Variants in LRRC36 observed in about 807,000 individuals in gnomAD.
LRRC36 encodes leucine-rich repeat-containing protein 36.
Under a neutral mutation model 81.1 loss-of-function variants are expected in LRRC36, and 62 were observed. That is an observed-to-expected ratio of 0.76 (90% CI 0.62 to 0.94). LRRC36 has a LOEUF of 0.94. Ranked by LOEUF, LRRC36 falls within the 40% of genes least tolerant of loss-of-function variation. The probability of loss-of-function intolerance (pLI) is 0.00; values close to 1 mark genes in which losing one functional copy is unlikely to be tolerated. For synonymous variants in LRRC36, 334 were observed against 348.6 expected (o/e 0.96, Z 0.47); for missense variants, 761 against 881.7 (o/e 0.86, Z 1.73).
chr16:67,378,118 G>A (rs914808923), intron 11 of LRRC36, among the ~76,000 whole-genome samples: 6 of 151,666 alleles, frequency 4.0e-5, no homozygotes, highest in Admixed American at 1.3e-4. Flanking sequence ...CTTTTGAGCT[G>A]TATTTACCAA....
At chr16:67,358,453 C>A (rs966517547) in intron 5 of LRRC36, among the ~76,000 whole-genome samples, 3 of 151,888 alleles carry the variant, frequency 2.0e-5, no homozygotes, top group African/African-American at 7.3e-5. Flanking sequence ...AGTGATATTC[C>A]TGCCTCCTGA....
At chr16:67,335,818 C>T (rs564584883) in intron 1 of LRRC36, among the ~76,000 whole-genome samples, 28 of 152,060 alleles carry the variant, frequency 1.8e-4, no homozygotes, top group Admixed American at 3.9e-4. Flanking sequence ...CGGCAGCCTC[C>T]ACCTCCCGGG....
chr16:67,382,300 A>G (rs2040142154), intron 13 of LRRC36, 53 bp downstream of exon 13: 1 of 1,286,308 alleles, frequency 7.8e-7, no homozygotes. Context: ...TACTCCTTTT[A>G]TCTCCTTTGT....
At chr16:67,352,827 G>A (rs1361641926) in intron 5 of LRRC36, among the ~76,000 whole-genome samples, 1 of 151,690 alleles carries the variant, frequency 6.6e-6, no homozygotes, top group Non-Finnish European at 1.5e-5. Flanking sequence ...ACAGGTGTGT[G>A]CTACCATGCA....
chr16:67,367,400 T>C lies in LRRC36; in HGVS notation c.1138T>C (p.Leu380=), dbSNP rs1393168651. Residue 380 remains leucine, a synonymous_variant, in exon 8 of 14, where the codon TTA becomes CTA. Coordinates refer to ENST00000329956, the MANE Select transcript of LRRC36 (RefSeq NM_018296.6). ...CGCTTCACATTCCTGTGGAGACTTA[T>C]TAACTTCTCTGTCAAACCCTGACTC... The part of the protein sequence containing the change: ...TTASHSCGDL[L]TSLSNPDSST... The C allele has an allele frequency of 1.2e-6, 2 of 1,613,974 alleles. No individual in the cohort carries two copies. The highest frequency in any genetic ancestry group is 1.7e-5 in the Admixed American group (1 of 59,996).
intron 11 of LRRC36, 29 bp from the exon 12 acceptor site, chr16:67,378,560 G>A: frequency 1.9e-6 from 3 of 1,609,774 alleles, no homozygotes; most frequent in Non-Finnish European, 2.5e-6. Context: ...GATTCTTAAT[G>A]TATTTGTATT....
At chr16:67,334,057 G>A (rs144126058) in intron 1 of LRRC36, among the ~76,000 whole-genome samples, 6,510 of 151,982 alleles carry the variant, frequency 0.043, 198 homozygotes, top group Non-Finnish European at 0.062. Flanking sequence ...TTGAGATGGA[G>A]TCTCACTCTG....
intron 7 of LRRC36, among the ~76,000 whole-genome samples, chr16:67,366,381 G>A (rs1484006591): frequency 1.3e-5 from 2 of 152,150 alleles, no homozygotes; most frequent in Non-Finnish European, 2.9e-5. Context: ...TTGGGAGTCC[G>A]AGGCAGGTGG....
At chr16:67,356,991 G>A (rs1192454504) in intron 5 of LRRC36, among the ~76,000 whole-genome samples, 1 of 152,188 alleles carries the variant, frequency 6.6e-6, no homozygotes, top group Non-Finnish European at 1.5e-5. Flanking sequence ...TCTCTTAGAG[G>A]TGAGGCATGC....
chr16:67,363,174 G>C (rs1259904844), intron 5 of LRRC36, among the ~76,000 whole-genome samples: 8 of 152,190 alleles, frequency 5.3e-5, no homozygotes, highest in African/African-American at 1.7e-4. Context: ...TAGTACCCTG[G>C]AGATGTATAA....
At chr16:67,342,828 TC>T (rs1279194323) in intron 2 of LRRC36, among the ~76,000 whole-genome samples, 1 of 152,206 alleles carries the variant, frequency 6.6e-6, no homozygotes, top group Non-Finnish European at 1.5e-5. Context: ...ACAGATGCTA[TC>T]CAGGATTAGT....
chr16:67,376,884 T>A lies in LRRC36; in HGVS notation c.1806+12T>A, dbSNP rs1239462127. On this transcript the variant is annotated intron_variant, in intron 11 of 13. Transcript: ENST00000329956. ...TCCCTAATGACATGGTATGCCCCTC[T>A]CATCTCCCTTTAGAAAAGGACAGAG... 3 of 1,599,778 alleles carry A rather than the reference T, an allele frequency of 1.9e-6. No individual in the cohort carries two copies. Among genetic ancestry groups the A allele is most frequent in the Non-Finnish European group, 2.6e-6 (3 of 1,169,180 alleles).
chr16:67,360,513 A>T, intron 5 of LRRC36, among the ~76,000 whole-genome samples: 1 of 152,200 alleles, frequency 6.6e-6, no homozygotes, highest in East Asian at 1.9e-4. Flanking sequence ...TCATTTGCAC[A>T]AAAGCTGTGT....
intron 5 of LRRC36, among the ~76,000 whole-genome samples, chr16:67,360,073 C>T (rs1176778268): frequency 3.3e-5 from 5 of 150,626 alleles, no homozygotes; most frequent in Admixed American, 6.6e-5. Flanking sequence ...TGCAGTGAGC[C>T]GAGATTGCGC....
chr16:67,378,502 A>G, intron 11 of LRRC36, 87 bp from the exon 12 acceptor site: 1 of 1,295,976 alleles, frequency 7.7e-7, no homozygotes, highest in African/African-American at 1.5e-5. Context: ...AGCCTCCCAA[A>G]GTGCTAGGAT....
At chr16:67,364,747 A>T (rs925704283) in intron 6 of LRRC36, among the ~76,000 whole-genome samples, 1 of 152,208 alleles carries the variant, frequency 6.6e-6, no homozygotes, top group Non-Finnish European at 1.5e-5. Flanking sequence ...GAAAAAAGGA[A>T]ATTGAATAGT....
chr16:67,337,256 C>T (rs2037805395), intron 1 of LRRC36, among the ~76,000 whole-genome samples: 1 of 152,148 alleles, frequency 6.6e-6, no homozygotes, highest in South Asian at 2.1e-4. Context: ...GATATATACC[C>T]AGAAGTGGAG....
At chr16:67,363,835 C>T in intron 6 of LRRC36, 121 bp downstream of exon 6, 1 of 1,061,710 alleles carries the variant, frequency 9.4e-7, no homozygotes, top group Non-Finnish European at 1.4e-6. Flanking sequence ...CATTTTAGAC[C>T]CTTTTAAAGG....
rs1015577646 is a variant in LRRC36, at chr16:67,346,527, C to T, written c.391+79C>T. The stretch of plus-strand genomic sequence containing the variant: ...CCCCTTAACCTTTTGGATGTTGGCC[C>T]ACAGTGTGCACTGGCAGGATATATT... On this transcript the variant is annotated intron_variant, in intron 3 of 13. Coordinates refer to ENST00000329956, the MANE Select transcript of LRRC36 (RefSeq NM_018296.6). The T allele has an allele frequency of 7.8e-5, 63 of 802,720 alleles. No individual in the cohort carries two copies. In the African/African-American group the frequency reaches 1.1e-3, roughly 14 times the overall value. 49.7% of individuals were successfully genotyped at this position (802,720 alleles called of 1,614,324 possible).
Sources: allele counts gnomAD v4.1 joint callset (sites outside exome capture counted in the v4.1 genomes callset), GRCh38; gene constraint gnomAD v4.1.1; transcripts MANE v1.5; gene names NCBI Gene and HGNC (gene_info 2026-07-23, HGNC 2026-07-21).